Variants in FSHR observed in about 807,000 individuals in gnomAD.
FSHR encodes follicle-stimulating hormone receptor.
In FSHR, 46 loss-of-function variants were observed where a neutral mutation model predicts 52.1. The observed-to-expected ratio is 0.88, with a 90% CI of 0.70 to 1.13. The LOEUF (loss-of-function observed/expected upper bound fraction) is 1.13. Ranked by LOEUF, FSHR falls within the 50% of genes most tolerant of loss-of-function variation. The pLI is 0.00. For synonymous variants in FSHR, 399 were observed against 309.6 expected, an observed-to-expected ratio of 1.29 and a Z score of -3.03; for missense variants, 964 against 834.6, an observed-to-expected ratio of 1.16 and a Z score of -1.91.
chr2:49,032,572 T>C (rs752571066), intron 2 of FSHR, among the ~76,000 whole-genome samples: 1 of 152,236 alleles, frequency 6.6e-6, no homozygotes, highest in African/African-American at 2.4e-5. Context: ...TGACTTTCAA[T>C]GTTTCCTGCT....
chr2:49,087,811 C>A (rs1670456268), intron 1 of FSHR, among the ~76,000 whole-genome samples: 1 of 152,150 alleles, frequency 6.6e-6, no homozygotes, highest in Non-Finnish European at 1.5e-5. Context: ...ACGTGACACA[C>A]ATTATCTAAG....
intron 1 of FSHR, among the ~76,000 whole-genome samples, chr2:49,084,244 T>C (rs1224845442): frequency 1.3e-5 from 2 of 152,060 alleles, no homozygotes; most frequent in African/African-American, 4.8e-5. Context: ...CCTGAATGAC[T>C]ACTGGGTACA....
chr2:49,147,105 C>G (rs1337192981), intron 1 of FSHR, among the ~76,000 whole-genome samples: 2 of 152,040 alleles, frequency 1.3e-5, no homozygotes, highest in Non-Finnish European at 2.9e-5. Context: ...TTCAGATCAG[C>G]CAGCCTATTT....
At chr2:49,016,671 C>G (rs13027744) in intron 4 of FSHR, among the ~76,000 whole-genome samples, 58,342 of 151,782 alleles carry the variant, frequency 0.38, 11,439 homozygotes, top group East Asian at 0.5. Flanking sequence ...GATCAACTCA[C>G]AGAGAGGTAA....
intron 4 of FSHR, among the ~76,000 whole-genome samples, chr2:49,016,893 T>C (rs1345333285): frequency 1.3e-5 from 2 of 152,198 alleles, no homozygotes; most frequent in East Asian, 1.9e-4. Context: ...TTCTTAACTG[T>C]TATTTTGTGG....
At chr2:49,127,784 CTTCTTCTTCTTCTTCT>C (rs1558456347) in intron 1 of FSHR, among the ~76,000 whole-genome samples, 1 of 50,252 alleles carries the variant, frequency 2.0e-5, no homozygotes, top group Non-Finnish European at 3.6e-5. Context: ...TCTTCTTCTT[CTTCTTCTTCTTCTTCT>C]TCTTCTTCTT....
intron 1 of FSHR, among the ~76,000 whole-genome samples, chr2:49,118,846 C>G (rs1302347341): frequency 6.6e-6 from 1 of 152,218 alleles, no homozygotes; most frequent in Non-Finnish European, 1.5e-5. Flanking sequence ...TATTCCACCC[C>G]TTGGTTTTAA....
At chr2:48,995,830 A>T (rs1436176869) in intron 4 of FSHR, among the ~76,000 whole-genome samples, 2 of 151,972 alleles carry the variant, frequency 1.3e-5, no homozygotes, top group African/African-American at 2.4e-5. Context: ...TTTATCACAT[A>T]TGTCAACAAG....
At chr2:49,061,098 TACA>T (rs1258338479) in intron 2 of FSHR, among the ~76,000 whole-genome samples, 5 of 152,072 alleles carry the variant, frequency 3.3e-5, no homozygotes, top group Non-Finnish European at 5.9e-5. Flanking sequence ...TAATCACCAC[TACA>T]ACGTGGCACC....
At chr2:49,137,183 C>G (rs1036389929) in intron 1 of FSHR, among the ~76,000 whole-genome samples, 2 of 151,802 alleles carry the variant, frequency 1.3e-5, no homozygotes, top group Admixed American at 1.3e-4. Flanking sequence ...AATCAATATA[C>G]CAAAATCAAT....
chr2:48,980,915 G>T (rs1318516122), intron 8 of FSHR, among the ~76,000 whole-genome samples: 1 of 152,032 alleles, frequency 6.6e-6, no homozygotes, highest in East Asian at 1.9e-4. Flanking sequence ...ATTGTACCTG[G>T]TACAGGTCAC....
intron 8 of FSHR, among the ~76,000 whole-genome samples, chr2:48,978,560 C>T (rs1675096914): frequency 6.6e-6 from 1 of 152,314 alleles, no homozygotes; most frequent in Non-Finnish European, 1.5e-5. Context: ...AAAGGCAATG[C>T]ATTAAATTTT....
chr2:49,037,250 A>G (rs1668300377), intron 2 of FSHR, among the ~76,000 whole-genome samples: 1 of 152,244 alleles, frequency 6.6e-6, no homozygotes, highest in Non-Finnish European at 1.5e-5. Context: ...AATTCACAGC[A>G]TCCACTAGGC....
intron 1 of FSHR, among the ~76,000 whole-genome samples, chr2:49,098,844 T>G (rs1670922414): frequency 1.4e-5 from 2 of 146,672 alleles, no homozygotes; most frequent in African/African-American, 5.0e-5. Flanking sequence ...TATATTATAT[T>G]ATATATACTT....
At chr2:49,044,716 A>G (rs552729542) in intron 2 of FSHR, among the ~76,000 whole-genome samples, 3 of 152,122 alleles carry the variant, frequency 2.0e-5, no homozygotes, top group African/African-American at 7.2e-5. Context: ...TTCACTCACA[A>G]TTTTAGCTGT....
At chr2:49,115,368 C>T (rs1473357143) in intron 1 of FSHR, among the ~76,000 whole-genome samples, 1 of 152,060 alleles carries the variant, frequency 6.6e-6, no homozygotes, top group African/African-American at 2.4e-5. Context: ...TTATTGAACA[C>T]CTTCTATGGA....
chr2:49,090,107 AACAT>A (rs1670546531), intron 1 of FSHR, among the ~76,000 whole-genome samples: 1 of 149,608 alleles, frequency 6.7e-6, no homozygotes, highest in Non-Finnish European at 1.5e-5. Context: ...TTTTTTAACT[AACAT>A]ACAGTAAAAT....
At chr2:49,100,336 T>A (rs1386991654) in intron 1 of FSHR, among the ~76,000 whole-genome samples, 1 of 152,160 alleles carries the variant, frequency 6.6e-6, no homozygotes, top group African/African-American at 2.4e-5. Context: ...CAGAGGTAGA[T>A]AATGAGTATT....
At chr2:49,109,452 C>T (rs946660754) in intron 1 of FSHR, among the ~76,000 whole-genome samples, 1 of 152,132 alleles carries the variant, frequency 6.6e-6, no homozygotes, top group Non-Finnish European at 1.5e-5. Context: ...ATAATTCTGA[C>T]TACAATGTAG....
Sources: allele counts gnomAD v4.1 joint callset (sites outside exome capture counted in the v4.1 genomes callset), GRCh38; gene constraint gnomAD v4.1.1; transcripts MANE v1.5; gene names NCBI Gene and HGNC (gene_info 2026-07-23, HGNC 2026-07-21).